Variants in POU2F2 observed in about 807,000 individuals in gnomAD.
POU2F2 encodes the protein POU domain, class 2, transcription factor 2.
POU2F2 carries 14 observed loss-of-function variants against 63.5 expected under a neutral mutation model. That is an observed-to-expected ratio of 0.22 (90% CI 0.15 to 0.34). The LOEUF is 0.34. Ranked by LOEUF, POU2F2 falls within the 10% of genes least tolerant of loss-of-function variation. The pLI is 1.00. For synonymous variants in POU2F2, 306 were observed against 348.6 expected (o/e 0.88, Z 1.36); for missense variants, 607 against 815.2 (o/e 0.74, Z 3.11).
chr19:42,101,119 A>C (rs566036879), intron 5 of POU2F2, among the ~76,000 whole-genome samples: 2 of 152,284 alleles, frequency 1.3e-5, no homozygotes, highest in South Asian at 2.1e-4. Context: ...AAACACAACA[A>C]AACAAACAAA....
At chr19:42,111,887 C>CA (rs2031159403) in intron 5 of POU2F2, among the ~76,000 whole-genome samples, 1 of 152,170 alleles carries the variant, frequency 6.6e-6, no homozygotes, top group Admixed American at 6.5e-5. Context: ...GGAGTAGGGG[C>CA]AGAGGAGTGG....
intron 1 of POU2F2, among the ~76,000 whole-genome samples, chr19:42,186,076 A>T (rs1034799336): frequency 6.6e-6 from 1 of 151,886 alleles, no homozygotes; most frequent in Non-Finnish European, 1.5e-5. Context: ...TTTAAAGGGG[A>T]CTGGGACGCC....
chr19:42,178,975 G>A (rs2034929173), upstream of POU2F2, among the ~76,000 whole-genome samples: 1 of 152,046 alleles, frequency 6.6e-6, no homozygotes, highest in Admixed American at 6.5e-5. Flanking sequence ...ACAGTGAGAT[G>A]GAGAAAGGCA....
intron 12 of POU2F2, among the ~76,000 whole-genome samples, chr19:42,093,009 A>ATTTTTTTT (rs1201422267): frequency 2.1e-5 from 1 of 47,198 alleles, no homozygotes; most frequent in African/African-American, 6.8e-5. Context: ...ATATATATAT[A>ATTTTTTTT]TTTTTTTTTT....
At chr19:42,195,968 C>T (rs892605581) in intron 1 of POU2F2, among the ~76,000 whole-genome samples, 83 of 152,030 alleles carry the variant, frequency 5.5e-4, no homozygotes, top group Admixed American at 1.2e-3. Flanking sequence ...TTAGTAGAGA[C>T]GGGGTTTCAC....
At chr19:42,186,792 G>A (rs1346501474) in intron 1 of POU2F2, among the ~76,000 whole-genome samples, 5 of 152,140 alleles carry the variant, frequency 3.3e-5, no homozygotes, top group Admixed American at 2.0e-4. Context: ...GAGCGTCAGG[G>A]AGAGGGTGGT....
chr19:42,099,618 C>T lies in POU2F2; in HGVS notation c.476G>A (p.Gly159Asp). ...LLPQAQQSQP[G>D]LLPTPNLFQL... is the part of the protein sequence containing the mutation. ...GAATAGATTTGGTGTCGGTAGCAGG[C>T]CTGGAAAGACAAGGGGAAATACACA... The change falls in exon 7 of 15, where the codon GGC becomes GAC. Residue 159 changes from glycine (G) to aspartate (D), a missense_variant and splice_region_variant. Coordinates refer to ENST00000692977, the MANE Select transcript of POU2F2 (RefSeq NM_001394376.1). The T allele has an allele frequency of 1.2e-6, 2 of 1,613,216 alleles. No homozygotes were observed.
chr19:42,166,194 A>T (rs1355368234), intron 1 of POU2F2, among the ~76,000 whole-genome samples: 1 of 152,198 alleles, frequency 6.6e-6, no homozygotes, highest in Non-Finnish European at 1.5e-5. Context: ...GACTGGTGTG[A>T]CACTTTGGGT....
intron 1 of POU2F2, among the ~76,000 whole-genome samples, chr19:42,190,807 G>A (rs942336108): frequency 6.6e-6 from 1 of 152,084 alleles, no homozygotes; most frequent in Non-Finnish European, 1.5e-5. Context: ...GAGTAACGTC[G>A]AGGCATACCT....
intron 5 of POU2F2, among the ~76,000 whole-genome samples, chr19:42,112,129 C>T (rs2031203118): frequency 6.6e-6 from 1 of 152,278 alleles, no homozygotes; most frequent in African/African-American, 2.4e-5. Context: ...GAGCAACTGG[C>T]ATGCCTGGGC....
intron 2 of POU2F2, among the ~76,000 whole-genome samples, chr19:42,143,948 C>G (rs1301008540): frequency 1.3e-5 from 2 of 152,196 alleles, no homozygotes; most frequent in Non-Finnish European, 2.9e-5. Context: ...GTCTCACCTT[C>G]AAGCCTCGTG....
intron 1 of POU2F2, among the ~76,000 whole-genome samples, chr19:42,124,120 A>G (rs1396233280): frequency 1.3e-5 from 2 of 152,048 alleles, no homozygotes; most frequent in Non-Finnish European, 2.9e-5. Context: ...CCTAGGCAAC[A>G]TGGAGAAACC....
At chr19:42,185,879 A>C (rs2035007087) in intron 1 of POU2F2, among the ~76,000 whole-genome samples, 2 of 152,164 alleles carry the variant, frequency 1.3e-5, no homozygotes. Context: ...ACAAAACTAG[A>C]CTGGGAAAAT....
At chr19:42,189,689 T>C (rs895900317) in intron 1 of POU2F2, among the ~76,000 whole-genome samples, 2 of 152,118 alleles carry the variant, frequency 1.3e-5, no homozygotes, top group East Asian at 1.9e-4. Flanking sequence ...GAGGGGAGCA[T>C]AGCCTGGAGG....
chr19:42,195,042 G>A (rs2035120235), intron 1 of POU2F2, among the ~76,000 whole-genome samples: 1 of 86,310 alleles, frequency 1.2e-5, no homozygotes, highest in Non-Finnish European at 2.4e-5. Flanking sequence ...AGGGAGGGAG[G>A]GAGGAAGGAA....
chr19:42,110,536 AG>A (rs2030917491), intron 5 of POU2F2: 1 of 213,536 alleles, frequency 4.7e-6, no homozygotes, highest in Admixed American at 5.5e-5. Context: ...TTTGAGCCTT[AG>A]CCCTCTCACC....
upstream of POU2F2, among the ~76,000 whole-genome samples, chr19:42,197,832 C>T (rs116282852): frequency 6.8e-3 from 1,037 of 152,174 alleles, 14 homozygotes; most frequent in African/African-American, 0.024. Context: ...AAAGCTTAGG[C>T]GCTTCATCAG....
At chr19:42,194,455 G>C (rs2035107047) in intron 1 of POU2F2, among the ~76,000 whole-genome samples, 1 of 149,694 alleles carries the variant, frequency 6.7e-6, no homozygotes, top group Admixed American at 6.7e-5. Context: ...AAGGAAGGAA[G>C]GGAGGAAGAA....
At position 42,096,062 on chromosome 19, in the gene POU2F2, C is replaced by T; in HGVS notation, c.729+20G>A. The T allele has an allele frequency of 3.1e-6, 5 of 1,612,610 alleles. No individual in the cohort carries two copies. The highest frequency in any genetic ancestry group is 4.2e-6 in the Non-Finnish European group (5 of 1,179,296). On this transcript the variant is annotated intron_variant, in intron 8 of 14. Coordinates refer to ENST00000692977, the MANE Select transcript of POU2F2 (RefSeq NM_001394376.1). The surrounding 1 kb of genome is among the most constrained non-coding windows in gnomAD (Gnocchi z 4.1). ...CCACGCCCCCACGCCCACCGCCCAG[C>T]CTGCAAGGTGCCTCCAGACCTGCGT...
Sources: gnomAD v4.1 joint callset for allele counts (sites outside exome capture counted in the v4.1 genomes callset) on GRCh38, gnomAD v4.1.1 for gene constraint, Gnocchi (gnomAD v3.1) non-coding constraint, MANE v1.5 for transcripts, NCBI Gene and HGNC (gene_info 2026-07-23, HGNC 2026-07-21) for gene names.